Variants in SRBD1 observed in about 807,000 individuals in gnomAD.
SRBD1 encodes S1 RNA binding domain 1.
Under a neutral mutation model 115.3 loss-of-function variants are expected in SRBD1, and 88 were observed. The ratio of observed to expected loss-of-function variants is 0.76; its 90% confidence interval spans 0.64 to 0.91. SRBD1 has a LOEUF of 0.91. Among genes scored for constraint, SRBD1 ranks in the 40% least tolerant of loss-of-function variants. The pLI is 0.00. For synonymous variants in SRBD1, 509 were observed against 407.7 expected, an observed-to-expected ratio of 1.25 and a Z score of -2.99; for missense variants, 1,385 against 1,177.4, an observed-to-expected ratio of 1.18 and a Z score of -2.58.
chr2:45,390,758 A>G (rs1371560881), intron 20 of SRBD1, among the ~76,000 whole-genome samples: 1 of 152,156 alleles, frequency 6.6e-6, no homozygotes, highest in Non-Finnish European at 1.5e-5. Flanking sequence ...CCCTTCCCCC[A>G]GTCCAACCAT....
At chr2:45,446,505 T>C (rs1188670075) in intron 16 of SRBD1, among the ~76,000 whole-genome samples, 7 of 152,132 alleles carry the variant, frequency 4.6e-5, no homozygotes, top group African/African-American at 7.2e-5. Flanking sequence ...ATCTTAAGGA[T>C]TGGGGATCCT....
At chr2:45,425,678 G>A (rs1215827326) in intron 16 of SRBD1, among the ~76,000 whole-genome samples, 2 of 152,084 alleles carry the variant, frequency 1.3e-5, no homozygotes, top group Admixed American at 6.5e-5. Context: ...AGCAGAAGCA[G>A]GGTGGAAAGC....
At chr2:45,591,581 G>A (rs777433931) in intron 4 of SRBD1, among the ~76,000 whole-genome samples, 5 of 152,146 alleles carry the variant, frequency 3.3e-5, no homozygotes, top group Non-Finnish European at 5.9e-5. Flanking sequence ...AAGATCAGGT[G>A]AGAAATGGAA....
chr2:45,418,482 T>G lies in SRBD1; in HGVS notation c.2216A>C (p.Asn739Thr). The G allele has an allele frequency of 6.2e-7, 1 of 1,613,958 alleles. No homozygotes were observed. The highest frequency in any genetic ancestry group is 8.5e-7 in the Non-Finnish European group (1 of 1,179,958). The part of the protein sequence containing the change: ...AKNIIEWREK[N>T]GPFINREQLK... Reference sequence around the variant, plus strand: ...CTGTTCTCGGTTGATAAAGGGTCCATTTTTCTCTCGCCATTCAATAATATT... The same window carrying G: ...CTGTTCTCGGTTGATAAAGGGTCCAGTTTTCTCTCGCCATTCAATAATATT... The change falls in exon 18 of 21, where the codon AAT (asparagine) becomes ACT (threonine). Residue 739 changes from asparagine (N) to threonine (T), a missense_variant. Physicochemically the swap from Asn to Thr is moderately conservative, Grantham distance 65. Transcript: ENST00000263736.
intron 9 of SRBD1, among the ~76,000 whole-genome samples, chr2:45,572,334 T>C (rs900588828): frequency 2.6e-5 from 4 of 152,140 alleles, no homozygotes; most frequent in South Asian, 2.1e-4. Flanking sequence ...AGTTTCAGTT[T>C]TGCATGATAA....
intron 16 of SRBD1, among the ~76,000 whole-genome samples, chr2:45,468,215 G>A (rs76663539): frequency 0.034 from 5,087 of 151,360 alleles, 285 homozygotes; most frequent in African/African-American, 0.12. Flanking sequence ...TTACTTTCTC[G>A]CTTAACATTA....
chr2:45,534,995 T>C (rs140171977), intron 14 of SRBD1, among the ~76,000 whole-genome samples: 2 of 152,086 alleles, frequency 1.3e-5, no homozygotes, highest in Non-Finnish European at 2.9e-5. Context: ...ACAAAATTAA[T>C]GTATCCTTAT....
chr2:45,585,184 A>G (rs1418049236), intron 5 of SRBD1, among the ~76,000 whole-genome samples: 2 of 152,090 alleles, frequency 1.3e-5, no homozygotes, highest in African/African-American at 2.4e-5. Context: ...GGAAATATAC[A>G]TATTTCCTAC....
chr2:45,419,963 C>T (rs1667948895), intron 16 of SRBD1, 69 bp from the exon 17 acceptor site: 1 of 1,361,920 alleles, frequency 7.3e-7, no homozygotes, highest in Non-Finnish European at 1.0e-6. Context: ...ATTACTCTGC[C>T]TATATTACTG....
intron 16 of SRBD1, among the ~76,000 whole-genome samples, chr2:45,463,751 A>C (rs1434674594): frequency 2.0e-5 from 3 of 152,180 alleles, no homozygotes; most frequent in African/African-American, 7.2e-5. Flanking sequence ...TGAAGGATTA[A>C]ACATTTTTGG....
intron 16 of SRBD1, among the ~76,000 whole-genome samples, chr2:45,443,601 A>C (rs939236290): frequency 3.3e-5 from 5 of 152,124 alleles, no homozygotes; most frequent in Non-Finnish European, 4.4e-5. Flanking sequence ...ATGGTGTTTA[A>C]GGTAGAAACT....
At chr2:45,542,439 T>C (rs1412830435) in intron 14 of SRBD1, among the ~76,000 whole-genome samples, 1 of 152,106 alleles carries the variant, frequency 6.6e-6, no homozygotes. Flanking sequence ...AGCATGGGGC[T>C]CCTCTGCCCC....
Position 45,415,840 on chromosome 2 carries a change from G to C in SRBD1, c.2333+2525C>G, listed in dbSNP as rs529462311. ...AGAGGAGTCTGAAACTAAAATCCCA[G>C]ATCATCTTATCATGGGAGGCAGAGA... On this transcript the variant is annotated intron_variant, in intron 18 of 20. Coordinates refer to ENST00000263736, the MANE Select transcript of SRBD1 (RefSeq NM_018079.5). 2.1e-3 allele frequency among the ~76,000 whole-genome samples: 306 copies of C among 147,796 alleles called. 3 individuals are homozygous for C. The highest frequency in any genetic ancestry group is 3.2e-3 in the Non-Finnish European group (216 of 67,278).
intron 19 of SRBD1, among the ~76,000 whole-genome samples, chr2:45,406,472 T>C (rs1035437696): frequency 6.6e-6 from 1 of 152,180 alleles, no homozygotes; most frequent in Admixed American, 6.5e-5. Flanking sequence ...GTTCCCCTTA[T>C]ATATTCTATA....
rs1673303692 is a variant in SRBD1 at position 45,580,100 on chromosome 2, A to G, written c.934-87T>C. On this transcript the variant is annotated intron_variant, in intron 6 of 20. Coordinates refer to ENST00000263736, the MANE Select transcript of SRBD1 (RefSeq NM_018079.5). ...TTACAAAATTAGAGGACATGCTGAGAATGCTAAAGAAATCCTTTTCTCAAT... is the reference window on the plus strand; with the variant it reads ...TTACAAAATTAGAGGACATGCTGAGGATGCTAAAGAAATCCTTTTCTCAAT... 13 of 1,109,618 alleles carry G rather than the reference A, an allele frequency of 1.2e-5. No homozygotes were observed. The East Asian group carries it at 3.2e-4, about 27-fold the overall frequency. The allele number at this position is 1,109,618 out of a possible 1,614,324, so 68.7% of individuals were successfully genotyped here.
chr2:45,444,442 C>T (rs778485941), intron 16 of SRBD1, among the ~76,000 whole-genome samples: 9 of 152,170 alleles, frequency 5.9e-5, no homozygotes, highest in Non-Finnish European at 8.8e-5. Flanking sequence ...CTCCTGTATA[C>T]ACTTGGGTGA....
At chr2:45,408,351 T>C (rs1490029342) in intron 19 of SRBD1, among the ~76,000 whole-genome samples, 1 of 152,230 alleles carries the variant, frequency 6.6e-6, no homozygotes, top group African/African-American at 2.4e-5. Context: ...ATTTCATCTC[T>C]AGGTTTTACA....
Position 45,389,498 on chromosome 2 carries a change from T to C in SRBD1, c.2800A>G (p.Ile934Val). The C allele has an allele frequency of 6.2e-7, 1 of 1,614,084 alleles. No homozygotes were observed. The highest frequency in any genetic ancestry group is 2.2e-5 in the East Asian group (1 of 44,870). Residue 934 changes from isoleucine to valine, a missense_variant, in exon 21 of 21, where the codon ATT becomes GTT. By Grantham distance (29) the Ile-to-Val change is conservative. Coordinates refer to ENST00000263736, the MANE Select transcript of SRBD1 (RefSeq NM_018079.5). ...TTCCCCACTCCTATATCCACAAAAA[T>C]TCCAAAGAGAGTGGCATTCTCAACT... ...GKVENATLFGIFVDIGVGKSG... is the reference protein window; with the variant it reads ...GKVENATLFGVFVDIGVGKSG...
chr2:45,570,690 CCCAGTCT>C (rs1280370974), intron 9 of SRBD1, among the ~76,000 whole-genome samples: 1 of 152,072 alleles, frequency 6.6e-6, no homozygotes, highest in Non-Finnish European at 1.5e-5. Context: ...TTTAACGTAC[CCCAGTCT>C]CCAGCTCAGC....
Sources: gnomAD v4.1 joint callset for allele counts (sites outside exome capture counted in the v4.1 genomes callset) on GRCh38, gnomAD v4.1.1 for gene constraint, MANE v1.5 for transcripts, NCBI Gene and HGNC (gene_info 2026-07-23, HGNC 2026-07-21) for gene names.